TMPRSS11D: variants seen among roughly 807,000 people sequenced by gnomAD.
TMPRSS11D encodes the protein transmembrane serine protease 11D.
TMPRSS11D carries 32 observed loss-of-function variants against 44.4 expected under a neutral mutation model. The ratio of observed to expected loss-of-function variants is 0.72; its 90% CI spans 0.54 to 0.97. TMPRSS11D has a LOEUF of 0.97. Ranked by LOEUF, TMPRSS11D falls within the 50% of genes least tolerant of loss-of-function variation. The pLI is 0.00. For missense variants in TMPRSS11D, 446 were observed against 502.6 expected, an observed-to-expected ratio of 0.89 and a Z score of 1.08; for synonymous variants, 179 against 177.9, an observed-to-expected ratio of 1.01 and a Z score of -0.05.
At chr4:67,848,947 A>G (rs1408298012) in intron 3 of TMPRSS11D, among the ~76,000 whole-genome samples, 1 of 152,230 alleles carries the variant, frequency 6.6e-6, no homozygotes, top group South Asian at 2.1e-4. Context: ...CTTGCTACAT[A>G]TAGATAATCA....
chr4:67,827,567 A>G (rs1206159637), intron 7 of TMPRSS11D, 47 bp from the exon 8 acceptor site: 2 of 1,525,136 alleles, frequency 1.3e-6, no homozygotes, highest in South Asian at 2.7e-5. Flanking sequence ...ATTTGTGAAC[A>G]TTTCAGATAT....
At chr4:67,862,586 G>C (rs895392646) in intron 1 of TMPRSS11D, among the ~76,000 whole-genome samples, 2 of 152,090 alleles carry the variant, frequency 1.3e-5, no homozygotes, top group Non-Finnish European at 2.9e-5. Flanking sequence ...AATTGAACGT[G>C]TTATGGGTGC....
At chr4:67,847,032 G>A (rs753114573) in intron 3 of TMPRSS11D, among the ~76,000 whole-genome samples, 4 of 152,014 alleles carry the variant, frequency 2.6e-5, no homozygotes, top group Non-Finnish European at 5.9e-5. Context: ...TGCCTCTTGA[G>A]TAGCTGGGAC....
At chr4:67,826,301 A>G (rs1717791050) in intron 8 of TMPRSS11D, among the ~76,000 whole-genome samples, 2 of 152,096 alleles carry the variant, frequency 1.3e-5, no homozygotes, top group Admixed American at 6.6e-5. Flanking sequence ...AATGACACCA[A>G]TAGTTTTTCA....
intron 3 of TMPRSS11D, among the ~76,000 whole-genome samples, chr4:67,845,869 T>C (rs1412747442): frequency 6.6e-6 from 1 of 152,140 alleles, no homozygotes; most frequent in Non-Finnish European, 1.5e-5. Flanking sequence ...AATCTGTTAG[T>C]AGAACAGGTC....
chr4:67,843,344 A>G (rs766389249), intron 3 of TMPRSS11D, among the ~76,000 whole-genome samples: 5 of 152,096 alleles, frequency 3.3e-5, no homozygotes, highest in Non-Finnish European at 5.9e-5. Context: ...TGAAATGAAT[A>G]AGACCTCGTA....
At chr4:67,827,222 G>C in intron 8 of TMPRSS11D, 39 bp downstream of exon 8, 3 of 1,555,110 alleles carry the variant, frequency 1.9e-6, no homozygotes, top group Non-Finnish European at 2.6e-6. Context: ...GCAAATATAA[G>C]ACATTTCTAT....
intron 7 of TMPRSS11D, among the ~76,000 whole-genome samples, chr4:67,829,689 A>C (rs1717898104): frequency 6.6e-6 from 1 of 152,018 alleles, no homozygotes; most frequent in Admixed American, 6.6e-5. Flanking sequence ...AAGCAGAAAA[A>C]CCATTGTAAA....
Position 67,827,124 on chromosome 4 carries a change from G to A in TMPRSS11D, c.952+137C>T, listed in dbSNP as rs1717812405. ...GGAGACTCAGGGGTAGCCAGAGCTT[G>A]GGCTGAGCAGAATATAGAATGGTTC... On this transcript the variant is annotated intron_variant, in intron 8 of 9. Coordinates refer to ENST00000283916, the MANE Select transcript of TMPRSS11D (RefSeq NM_004262.3). 1.2e-5 allele frequency: 14 copies of A among 1,142,902 alleles called. No individual in the cohort carries two copies. The South Asian group carries it at 2.5e-4, about 20-fold the overall frequency. The allele number at this position is 1,142,902 out of a possible 1,614,324, so 70.8% of individuals were successfully genotyped here.
intron 1 of TMPRSS11D, 54 bp downstream of exon 1, chr4:67,883,872 T>C: frequency 6.8e-7 from 1 of 1,460,656 alleles, no homozygotes; most frequent in African/African-American, 1.4e-5. Context: ...ATTTTTCCCA[T>C]ACTGTAAGAT....
At chr4:67,881,346 G>A (rs992464745) in intron 1 of TMPRSS11D, among the ~76,000 whole-genome samples, 2 of 152,162 alleles carry the variant, frequency 1.3e-5, no homozygotes, top group African/African-American at 4.8e-5. Flanking sequence ...TAATTTGCTA[G>A]AAAATATATA....
chr4:67,828,174 TG>T (rs1717854991), intron 7 of TMPRSS11D, among the ~76,000 whole-genome samples: 1 of 152,016 alleles, frequency 6.6e-6, no homozygotes, highest in African/African-American at 2.4e-5. Flanking sequence ...CATACTAACT[TG>T]TCATACTGAA....
At chr4:67,860,814 T>A (rs1399383495) in intron 1 of TMPRSS11D, among the ~76,000 whole-genome samples, 1 of 152,130 alleles carries the variant, frequency 6.6e-6, no homozygotes, top group African/African-American at 2.4e-5. Flanking sequence ...GAGAAGGGTA[T>A]GTTCTGAGGG....
intron 1 of TMPRSS11D, among the ~76,000 whole-genome samples, chr4:67,880,153 G>A (rs963057742): frequency 2.6e-5 from 4 of 152,196 alleles, no homozygotes; most frequent in African/African-American, 9.7e-5. Context: ...GAAAGGTGGG[G>A]AAAGGTCAGT....
intron 3 of TMPRSS11D, among the ~76,000 whole-genome samples, chr4:67,850,581 G>A (rs371688219): frequency 1.2e-4 from 18 of 152,268 alleles, no homozygotes; most frequent in South Asian, 1.0e-3. Context: ...CCAGGGAAGC[G>A]CAGCAGCAAG....
At chr4:67,874,422 C>A (rs374602404) in intron 1 of TMPRSS11D, among the ~76,000 whole-genome samples, 1 of 152,132 alleles carries the variant, frequency 6.6e-6, no homozygotes, top group African/African-American at 2.4e-5. Context: ...TCATCGTTAT[C>A]TCTACAAAAT....
At chr4:67,832,751 G>A (rs1717976832) in intron 7 of TMPRSS11D, among the ~76,000 whole-genome samples, 1 of 150,486 alleles carries the variant, frequency 6.6e-6, no homozygotes, top group South Asian at 2.1e-4. Context: ...CAGTCTCTAG[G>A]TTAGCCATCA....
At chr4:67,835,657 G>A (rs1029307027) in intron 5 of TMPRSS11D, among the ~76,000 whole-genome samples, 5 of 151,906 alleles carry the variant, frequency 3.3e-5, no homozygotes, top group Admixed American at 2.0e-4. Context: ...GCAAAGTAGA[G>A]AAAAGAAAAA....
intron 1 of TMPRSS11D, among the ~76,000 whole-genome samples, chr4:67,868,835 A>G (rs1336988356): frequency 6.6e-6 from 1 of 152,210 alleles, no homozygotes; most frequent in Non-Finnish European, 1.5e-5. Flanking sequence ...AGGAGGTCTC[A>G]TTGTGCAGAC....
Sources: allele counts gnomAD v4.1 joint callset (sites outside exome capture counted in the v4.1 genomes callset), GRCh38; gene constraint gnomAD v4.1.1; transcripts MANE v1.5; gene names NCBI Gene and HGNC (gene_info 2026-07-23, HGNC 2026-07-21).